The following MYOM1 variants were observed in gnomAD, a reference collection of about 807,000 sequenced individuals.
MYOM1 encodes myomesin-1.
In MYOM1, 164 loss-of-function variants were observed where a neutral mutation model predicts 205.3. The ratio of observed to expected loss-of-function variants is 0.80; its 90% confidence interval spans 0.70 to 0.91. The LOEUF (loss-of-function observed/expected upper bound fraction) is 0.91, where lower values mean the gene tolerates loss of function less well. Ranked by LOEUF, MYOM1 falls within the 40% of genes least tolerant of loss-of-function variation. The probability of loss-of-function intolerance (pLI) is 0.00; values close to 1 mark genes in which losing one functional copy is unlikely to be tolerated. For synonymous variants in MYOM1, 772 were observed against 789.4 expected, an observed-to-expected ratio of 0.98 and a Z score of 0.37; for missense variants, 2,011 against 2,127.3, an observed-to-expected ratio of 0.95 and a Z score of 1.08.
chr18:3,073,958 AGAACCT>A (rs1472427579), intron 36 of MYOM1, among the ~76,000 whole-genome samples: 29 of 152,344 alleles, frequency 1.9e-4, no homozygotes, highest in Non-Finnish European at 2.9e-4. Context: ...TTGTGAGACA[AGAACCT>A]GGATTTAGCT....
In MYOM1 at chr18:3,116,362, T is replaced by A; in HGVS notation, c.3272A>T (p.Asn1091Ile). Residue 1091 changes from asparagine (N) to isoleucine (I), a missense_variant, in exon 21 of 38, where the codon AAT (asparagine) becomes ATT (isoleucine). Physicochemically the swap from Asn to Ile is moderately radical, Grantham distance 149. Transcript: ENST00000356443. ...KAKEDQWRGL[N>I]EAAIKNVYLK... ...GTATACGTTTTTAATAGCCGCCTCA[T>A]TGAGCCCTCGCCACTGGTCTTCTTT... is the stretch of plus-strand genomic sequence containing the variant. The A allele has an allele frequency of 6.2e-7, 1 of 1,612,570 alleles. No homozygotes were observed. Among genetic ancestry groups the A allele is most frequent in the South Asian group, 1.1e-5 (1 of 90,920 alleles).
intron 20 of MYOM1, among the ~76,000 whole-genome samples, chr18:3,119,406 GGA>G (rs1313774026): frequency 1.3e-5 from 2 of 152,160 alleles, no homozygotes; most frequent in African/African-American, 4.8e-5. Context: ...GGGTATGGAG[GGA>G]GAGATTTTGG....
At chr18:3,130,426 C>T (rs11662650) in intron 17 of MYOM1, among the ~76,000 whole-genome samples, 82,720 of 151,934 alleles carry the variant, frequency 0.54, 23,111 homozygotes, top group East Asian at 0.91. Context: ...AAAAAACATG[C>T]GTTACTATAT....
At chr18:3,114,999 C>G (rs1181395179) in intron 21 of MYOM1, among the ~76,000 whole-genome samples, 1 of 151,730 alleles carries the variant, frequency 6.6e-6, no homozygotes, top group Non-Finnish European at 1.5e-5. Flanking sequence ...TTCGCTTCAC[C>G]CTAGTCAGTT....
At chr18:3,145,196 C>A (rs2080107813) in intron 13 of MYOM1, among the ~76,000 whole-genome samples, 1 of 151,782 alleles carries the variant, frequency 6.6e-6, no homozygotes, top group African/African-American at 2.4e-5. Flanking sequence ...ATAATCCCAG[C>A]TACTCATGGG....
chr18:3,097,859 T>C (rs924129985), intron 25 of MYOM1, among the ~76,000 whole-genome samples: 2 of 152,222 alleles, frequency 1.3e-5, no homozygotes, highest in African/African-American at 2.4e-5. Context: ...TATCTCAGCA[T>C]AAATGATAAT....
At position 3,151,837 on chromosome 18, in the gene MYOM1, G is replaced by T; in HGVS notation, c.1700C>A (p.Ala567Asp). The stretch of plus-strand genomic sequence containing the variant: ...GATCAATCCAGTGACAGGAAAACGA[G>T]CAAACTTCACAGGTGTGTCATTGCA... ...SQCNDTPVKF[A>D]RFPVTGLIEG... Residue 567 changes from alanine (A) to aspartate (D), a missense_variant, in exon 12 of 38, where the codon GCT (alanine) becomes GAT (aspartate). Coordinates refer to ENST00000356443, the MANE Select transcript of MYOM1 (RefSeq NM_003803.4). 2.5e-6 allele frequency: 4 copies of T among 1,613,704 alleles called. No homozygotes were observed. Among genetic ancestry groups the T allele is most frequent in the Non-Finnish European group, 3.4e-6 (4 of 1,179,666 alleles).
chr18:3,091,008 C>A (rs549669001), intron 26 of MYOM1, among the ~76,000 whole-genome samples: 60 of 152,096 alleles, frequency 3.9e-4, no homozygotes, highest in African/African-American at 1.3e-3. Context: ...AAAGCGAGAC[C>A]TTGTCTATAT....
intron 10 of MYOM1, among the ~76,000 whole-genome samples, chr18:3,162,322 G>A (rs2080402908): frequency 6.6e-6 from 1 of 152,018 alleles, no homozygotes. Context: ...AATCATCCCC[G>A]GGGCCAGATA....
In MYOM1 at chr18:3,173,948, C is replaced by T. The variant is rs1407382278; in HGVS notation, c.1164G>A (p.Met388Ile). The change falls in exon 8 of 38, where the codon ATG (methionine) becomes ATA (isoleucine). Residue 388 changes from methionine (M) to isoleucine (I), a missense_variant. Met to Ile is a conservative substitution (Grantham distance 10). Transcript: ENST00000356443. ...ETRFHAGAST[M>I]PLSFGVTPYG... ...TGTTTTTAAACTTACAGCTGAGGGG[C>T]ATGGTGGAAGCCCCAGCGTGGAAGC... 1.2e-6 allele frequency: 2 copies of T among 1,613,576 alleles called. No individual in the cohort carries two copies. The highest frequency in any genetic ancestry group is 1.1e-5 in the South Asian group (1 of 91,064).
intron 13 of MYOM1, among the ~76,000 whole-genome samples, chr18:3,145,106 C>A (rs752567067): frequency 1.2e-4 from 18 of 152,024 alleles, no homozygotes; most frequent in African/African-American, 2.4e-5. Flanking sequence ...GTCAGGAGTT[C>A]GAGACCAGCC....
intron 36 of MYOM1, among the ~76,000 whole-genome samples, chr18:3,074,341 G>A (rs1223598081): frequency 6.6e-6 from 1 of 152,160 alleles, no homozygotes; most frequent in Non-Finnish European, 1.5e-5. Flanking sequence ...CAGGTTCAAA[G>A]TTCAAAGTTG....
chr18:3,141,535 A>G (rs1221092046), intron 14 of MYOM1, among the ~76,000 whole-genome samples: 1 of 152,088 alleles, frequency 6.6e-6, no homozygotes, highest in Non-Finnish European at 1.5e-5. Context: ...CCTCCCTTCT[A>G]GCCTCACGAT....
the MYOM1 span, chr18:3,246,900 G>T: frequency 5.9e-5 from 9 of 152,186 alleles, no homozygotes; most frequent in African/African-American, 2.2e-4. Context: ...TAAAGTCGGG[G>T]AGGACTTTCT....
chr18:3,166,561 C>T (rs1323174363), intron 9 of MYOM1, among the ~76,000 whole-genome samples: 1 of 152,070 alleles, frequency 6.6e-6, no homozygotes, highest in African/African-American at 2.4e-5. Flanking sequence ...GCTGGGATCA[C>T]AGGCCTGAGC....
At chr18:3,165,000 GAATT>G (rs993980191) in intron 9 of MYOM1, among the ~76,000 whole-genome samples, 7 of 152,140 alleles carry the variant, frequency 4.6e-5, no homozygotes, top group Non-Finnish European at 1.0e-4. Context: ...GCAAGCTCAT[GAATT>G]AATTCCCATA....
chr18:3,135,773 C>G lies in MYOM1; in HGVS notation c.2026-43G>C, dbSNP rs1486209736. 1.9e-6 allele frequency: 3 copies of G among 1,606,880 alleles called. No homozygotes were observed. Among genetic ancestry groups the G allele is most frequent in the Non-Finnish European group, 8.5e-7 (1 of 1,175,410 alleles). On this transcript the variant is annotated intron_variant, in intron 14 of 37. Transcript: ENST00000356443. The surrounding 1 kb of genome is among the most constrained non-coding windows in gnomAD (Gnocchi z 4.1). ...AAACCCATTGAAAGCACAGCAAACACAAGCGAGAATCCAGGCCAGGCAACT... is the reference window on the plus strand; with the variant it reads ...AAACCCATTGAAAGCACAGCAAACAGAAGCGAGAATCCAGGCCAGGCAACT...
upstream of MYOM1, among the ~76,000 whole-genome samples, chr18:3,223,458 T>C (rs529844405): frequency 1.3e-5 from 2 of 152,332 alleles, no homozygotes; most frequent in Admixed American, 1.3e-4. Context: ...GACTAATTTA[T>C]AGGCAACACT....
At chr18:3,187,244 C>A (rs1053986670) in intron 5 of MYOM1, among the ~76,000 whole-genome samples, 5 of 152,128 alleles carry the variant, frequency 3.3e-5, no homozygotes, top group Admixed American at 3.3e-4. Flanking sequence ...AATAAAGATC[C>A]ATTTGTATAA....
Sources: allele counts gnomAD v4.1 joint callset (sites outside exome capture counted in the v4.1 genomes callset), GRCh38; gene constraint gnomAD v4.1.1; non-coding constraint Gnocchi (gnomAD v3.1); transcripts MANE v1.5; gene names NCBI Gene and HGNC (gene_info 2026-07-23, HGNC 2026-07-21).